The following KIAA0825 variants were observed in gnomAD, a reference collection of about 807,000 sequenced individuals.
KIAA0825 encodes KIAA0825.
Under a neutral mutation model 147.6 loss-of-function variants are expected in KIAA0825, and 119 were observed. That is an observed-to-expected ratio of 0.81 (90% confidence interval 0.69 to 0.94). The LOEUF (loss-of-function observed/expected upper bound fraction) is 0.94. Among genes scored for constraint, KIAA0825 ranks in the 40% least tolerant of loss-of-function variants. The probability of loss-of-function intolerance (pLI) is 0.00; values close to 1 mark genes in which losing one functional copy is unlikely to be tolerated. For missense variants in KIAA0825, 1,381 were observed against 1,472.7 expected, an observed-to-expected ratio of 0.94 and a Z score of 1.02; for synonymous variants, 470 against 518.1, an observed-to-expected ratio of 0.91 and a Z score of 1.26.
At chr5:94,394,504 G>A (rs1044502120) in intron 17 of KIAA0825, among the ~76,000 whole-genome samples, 3 of 151,970 alleles carry the variant, frequency 2.0e-5, no homozygotes, top group Admixed American at 2.0e-4. Flanking sequence ...GATGTGTTGG[G>A]GCTGTTTATA....
At position 94,600,419 on chromosome 5, in the gene KIAA0825, TTATATTTCCTTA is replaced by T. The variant is rs575739361; in HGVS notation, c.-152-17848_-152-17837del. On this transcript the variant is annotated intron_variant, in intron 1 of 20. Transcript: ENST00000682413. The stretch of plus-strand genomic sequence containing the variant: ...TATTTCCTTACATATATTATATTCC[TTATATTTCCTTA>T]TATATTTCCTTATGTGTATATATAT... 2.5e-4 allele frequency among the ~76,000 whole-genome samples: 38 copies of T among 151,918 alleles called. No individual in the cohort carries two copies. The South Asian group carries it at 4.6e-3, about 18-fold the overall frequency.
At chr5:94,190,351 A>C (rs2149998774) in intron 20 of KIAA0825, among the ~76,000 whole-genome samples, 1 of 152,228 alleles carries the variant, frequency 6.6e-6, no homozygotes, top group African/African-American at 2.4e-5. Flanking sequence ...TTTGAGACGG[A>C]GTCTCGCTCT....
At chr5:94,517,833 A>T (rs1332667645) in intron 5 of KIAA0825, among the ~76,000 whole-genome samples, 4 of 152,108 alleles carry the variant, frequency 2.6e-5, no homozygotes, top group African/African-American at 9.6e-5. Context: ...AAATTTAAAA[A>T]TATCCTATTT....
intron 20 of KIAA0825, among the ~76,000 whole-genome samples, chr5:94,293,371 C>G (rs1030350416): frequency 6.6e-6 from 1 of 152,184 alleles, no homozygotes; most frequent in African/African-American, 2.4e-5. Context: ...GTTATTTACT[C>G]AGTAGTCATT....
intron 2 of KIAA0825, among the ~76,000 whole-genome samples, chr5:94,563,932 G>A (rs1223525007): frequency 4.6e-5 from 7 of 152,138 alleles, no homozygotes; most frequent in Non-Finnish European, 8.8e-5. Context: ...GTGACCCACC[G>A]CCTCAGCCTC....
At chr5:94,561,880 A>G (rs551539325) in intron 2 of KIAA0825, among the ~76,000 whole-genome samples, 3 of 152,320 alleles carry the variant, frequency 2.0e-5, no homozygotes, top group East Asian at 1.9e-4. Context: ...TATTTCACCA[A>G]TGTAGATAAT....
chr5:94,255,479 G>A (rs1378217988), intron 20 of KIAA0825, among the ~76,000 whole-genome samples: 1 of 151,948 alleles, frequency 6.6e-6, no homozygotes, highest in Non-Finnish European at 1.5e-5. Context: ...GTCACTCTGT[G>A]CAACCCTGCA....
At chr5:94,162,745 G>A (rs1020087497) in intron 20 of KIAA0825, among the ~76,000 whole-genome samples, 4 of 152,130 alleles carry the variant, frequency 2.6e-5, no homozygotes, top group African/African-American at 4.8e-5. Context: ...CCCTTACAAT[G>A]TACAAATATC....
Position 94,452,971 on chromosome 5 carries a change from G to A in KIAA0825, c.2345C>T (p.Pro782Leu). 6.7e-7 allele frequency: 1 copy of A among 1,500,980 alleles called. No homozygotes were observed. Among genetic ancestry groups the A allele is most frequent in the Non-Finnish European group, 8.9e-7 (1 of 1,119,586 alleles). 93.0% of individuals were successfully genotyped at this position (1,500,980 alleles called of 1,614,324 possible). A position where few individuals can be genotyped will look rare whatever the true frequency, so the allele number is the denominator to read the frequency against. Residue 782 changes from proline (P) to leucine (L), a missense_variant, in exon 13 of 21, where the codon CCT (proline) becomes CTT (leucine). Coordinates refer to ENST00000682413, the MANE Select transcript of KIAA0825 (RefSeq NM_001145678.3). ...TAGAGGCTCTCACCTGAGTAAAGAA[G>A]GGTAGAAATGTGATATGCAAGAAAC... ...YWVSCISHFY[P>L]SLLRTPSAGG...
intron 20 of KIAA0825, among the ~76,000 whole-genome samples, chr5:94,227,618 A>T (rs1264541693): frequency 2.0e-5 from 3 of 152,018 alleles, no homozygotes; most frequent in African/African-American, 7.3e-5. Flanking sequence ...TATGGCGCAA[A>T]TACACCATGG....
chr5:94,390,838 T>G (rs1308618174), intron 18 of KIAA0825, among the ~76,000 whole-genome samples: 2 of 152,232 alleles, frequency 1.3e-5, no homozygotes, highest in African/African-American at 4.8e-5. Context: ...AAAAATTACA[T>G]TCATGTATTT....
chr5:94,462,205 G>A (rs1030741111), intron 12 of KIAA0825, among the ~76,000 whole-genome samples, 182 bp downstream of exon 12: 2 of 151,772 alleles, frequency 1.3e-5, no homozygotes, highest in Non-Finnish European at 3.0e-5. Flanking sequence ...GAATTGCATC[G>A]AGAATTATGA....
chr5:94,592,887 T>C, intron 1 of KIAA0825: 2 of 589,282 alleles, frequency 3.4e-6, no homozygotes, highest in Non-Finnish European at 6.4e-6. Flanking sequence ...AACCACTCAT[T>C]ATTCAGATGA....
At chr5:94,334,376 C>T (rs927951790) in intron 20 of KIAA0825, among the ~76,000 whole-genome samples, 1 of 152,200 alleles carries the variant, frequency 6.6e-6, no homozygotes, top group African/African-American at 2.4e-5. Flanking sequence ...CAGAAGAAGT[C>T]CAAATAGTTA....
At chr5:94,363,027 C>T (rs192494396) in intron 20 of KIAA0825, among the ~76,000 whole-genome samples, 2 of 152,310 alleles carry the variant, frequency 1.3e-5, no homozygotes, top group East Asian at 3.9e-4. Flanking sequence ...TTGTTCATTA[C>T]TGATTCTGGG....
intron 20 of KIAA0825, among the ~76,000 whole-genome samples, chr5:94,196,801 ATT>A (rs958283861): frequency 2.0e-5 from 3 of 151,984 alleles, no homozygotes; most frequent in African/African-American, 7.2e-5. Context: ...ACATTATTTC[ATT>A]TTTTTTACAG....
intron 5 of KIAA0825, among the ~76,000 whole-genome samples, chr5:94,512,879 G>C (rs1766706951): frequency 6.6e-6 from 1 of 152,148 alleles, no homozygotes; most frequent in Non-Finnish European, 1.5e-5. Flanking sequence ...CTGAGCGATA[G>C]AGCGAGACTC....
At chr5:94,592,976 G>T in intron 1 of KIAA0825, 1 of 585,274 alleles carries the variant, frequency 1.7e-6, no homozygotes, top group Non-Finnish European at 3.2e-6. Flanking sequence ...CAAGTGGGAT[G>T]TACATTTAAT....
At chr5:94,195,590 T>C (rs1418446175) in intron 20 of KIAA0825, among the ~76,000 whole-genome samples, 4 of 152,048 alleles carry the variant, frequency 2.6e-5, no homozygotes, top group African/African-American at 7.2e-5. Flanking sequence ...AACAACGTTT[T>C]TTTTTTCTTC....
Sources: gnomAD v4.1 joint callset for allele counts (sites outside exome capture counted in the v4.1 genomes callset) on GRCh38, gnomAD v4.1.1 for gene constraint, MANE v1.5 for transcripts, NCBI Gene and HGNC (gene_info 2026-07-23, HGNC 2026-07-21) for gene names.